Variants in LTBP3 observed in about 807,000 individuals in gnomAD.
The protein encoded by LTBP3 is latent-transforming growth factor beta-binding protein 3.
Under a neutral mutation model 159.7 loss-of-function variants are expected in LTBP3, and 97 were observed. The ratio of observed to expected loss-of-function variants is 0.61; its 90% CI spans 0.52 to 0.72. The LOEUF is 0.72. Ranked by LOEUF, LTBP3 falls within the 30% of genes least tolerant of loss-of-function variation. The pLI is 0.00. For missense variants in LTBP3, 1,584 were observed against 1,864.3 expected (o/e 0.85, Z 2.77); for synonymous variants, 824 against 777.1 (o/e 1.06, Z -1.00).
At chr11:65,542,393 T>TC (rs1554973002) in intron 18 of LTBP3, 15 of 144,648 alleles carry the variant, frequency 1.0e-4, no homozygotes, top group South Asian at 4.4e-4. Flanking sequence ...TTTTTTTTTT[T>TC]TTTTTTTTTT....
rs1256842483 is a variant in LTBP3 at position 65,540,278 on chromosome 11, C to T, written c.3211G>A (p.Ala1071Thr). The T allele has an allele frequency of 6.4e-7, 1 of 1,555,112 alleles. No individual in the cohort carries two copies. The highest frequency in any genetic ancestry group is 8.7e-7 in the Non-Finnish European group (1 of 1,149,260). The change falls in exon 23 of 28, where the codon GCG (alanine) becomes ACG (threonine). Residue 1071 changes from alanine to threonine, a missense_variant. Coordinates refer to ENST00000301873, the MANE Select transcript of LTBP3 (RefSeq NM_001130144.3). ...TCCGGGCTCAGGCACTGGCGCTGCG[C>T]GGGACTGTACTCGGCAGGGGGCGTG... is the stretch of plus-strand genomic sequence containing the variant. ...ACTPPAEYSP[A>T]QRQCLSPEEM...
In LTBP3 at chr11:65,547,868, T is replaced by C; in HGVS notation, c.1847-47A>G. 6.2e-7 allele frequency: 1 copy of C among 1,613,200 alleles called. No individual in the cohort carries two copies. Among genetic ancestry groups the C allele is most frequent in the East Asian group, 2.2e-5 (1 of 44,858 alleles). The stretch of plus-strand genomic sequence containing the variant: ...AGAAAAGTCAAAGGAAGCGTCGTTA[T>C]CTGGGGTCCCCCCCCACCCACCTGC... On this transcript the variant is annotated intron_variant, in intron 12 of 27. Coordinates refer to ENST00000301873, the MANE Select transcript of LTBP3 (RefSeq NM_001130144.3). This position sits in a 1 kb window ranked among gnomAD's most constrained non-coding sequence, Gnocchi z 4.6.
chr11:65,551,683 G>T, intron 8 of LTBP3, 119 bp from the exon 9 acceptor site: 1 of 1,294,106 alleles, frequency 7.7e-7, no homozygotes, highest in Non-Finnish European at 1.1e-6. Context: ...CATGTCTCCA[G>T]GTCAAGGGTC....
Position 65,547,560 on chromosome 11 carries a change from G to A in LTBP3, c.1986C>T (p.Asn662=). Residue 662 remains asparagine (N), a synonymous_variant, in exon 14 of 28, where the codon AAC becomes AAT. Transcript: ENST00000301873. This position sits in a 1 kb window ranked among gnomAD's most constrained non-coding sequence, Gnocchi z 4.6. ...CGCACAGGTGGGGCTTGGCGCATTC[G>A]TTCAGGTCTGTGCGGGAGGAAGGGG... ...GAGGRSCVDL[N]ECAKPHLCGD... 2 of 1,613,908 alleles carry A rather than the reference G, an allele frequency of 1.2e-6. No homozygotes were observed. The highest frequency in any genetic ancestry group is 1.7e-6 in the Non-Finnish European group (2 of 1,179,916).
Position 65,540,164 on chromosome 11 carries a change from C to T in LTBP3, c.3245-11G>A, listed in dbSNP as rs769317347. On this transcript the variant is annotated splice_polypyrimidine_tract_variant and intron_variant, in intron 23 of 27. Coordinates refer to ENST00000301873, the MANE Select transcript of LTBP3 (RefSeq NM_001130144.3). ...GGCACTCGTCCACGTCTACGAACAG[C>T]GAGGGGGTGGGTGGGGGCCGTCACA... The T allele has an allele frequency of 3.8e-5, 58 of 1,533,226 alleles. No homozygotes were observed. The highest frequency in any genetic ancestry group is 5.1e-5 in the Non-Finnish European group (58 of 1,142,644). 95.0% of individuals were successfully genotyped at this position (1,533,226 alleles called of 1,614,324 possible). A position where few individuals can be genotyped will look rare whatever the true frequency, so the allele number is the denominator to read the frequency against.
At chr11:65,541,434 G>T in intron 19 of LTBP3, 141 bp from the exon 20 acceptor site, 1 of 1,402,454 alleles carries the variant, frequency 7.1e-7, no homozygotes, top group Non-Finnish European at 9.9e-7. Flanking sequence ...TTCTCAACGT[G>T]GTGTTCTGGA....
chr11:65,540,796 G>A, intron 21 of LTBP3, 75 bp downstream of exon 21: 1 of 1,528,444 alleles, frequency 6.5e-7, no homozygotes, highest in African/African-American at 1.4e-5. Flanking sequence ...CTGACCCAGC[G>A]AGTCCCGGCG....
rs1354970791 is a variant in LTBP3, at chr11:65,554,036, C to T, written c.661+15G>A. 1 of 1,599,288 alleles carries T rather than the reference C, an allele frequency of 6.3e-7. No individual in the cohort carries two copies. The highest frequency in any genetic ancestry group is 8.5e-7 in the Non-Finnish European group (1 of 1,178,970). On this transcript the variant is annotated intron_variant, in intron 2 of 27. Coordinates refer to ENST00000301873, the MANE Select transcript of LTBP3 (RefSeq NM_001130144.3). The surrounding 1 kb of genome is among the most constrained non-coding windows in gnomAD (Gnocchi z 5.3). Reference sequence around the variant, plus strand: ...CCCACTGGCGACCTTCCCGGGTTTGCCAGTTGCCTGGTACCTTCTGCTGAG... The same window carrying T: ...CCCACTGGCGACCTTCCCGGGTTTGTCAGTTGCCTGGTACCTTCTGCTGAG...
At position 65,540,916 on chromosome 11, in the gene LTBP3, T is replaced by C; in HGVS notation, c.2932A>G (p.Thr978Ala). The change falls in exon 21 of 28, where the codon ACC becomes GCC. Residue 978 changes from threonine to alanine, a missense_variant. Thr to Ala is a moderately conservative substitution (Grantham distance 58). This residue lies in a region of LTBP3 where 514 missense variants were observed against 530.3 expected (regional missense o/e 0.97). Transcript: ENST00000301873. Reference sequence around the variant, plus strand: ...TAGTTGACGATGTTGTTGTCCTGGGTGTAGCCCTTTCCGTCTGGGCAGAGG... The same window carrying C: ...TAGTTGACGATGTTGTTGTCCTGGGCGTAGCCCTTTCCGTCTGGGCAGAGG... ...HSLCPDGKGY[T>A]QDNNIVNYGI... is the part of the protein sequence containing the mutation. The C allele has an allele frequency of 6.2e-7, 1 of 1,613,592 alleles. No homozygotes were observed. Among genetic ancestry groups the C allele is most frequent in the Non-Finnish European group, 8.5e-7 (1 of 1,179,788 alleles).
rs370789621 is a variant in LTBP3 at position 65,554,272 on chromosome 11, G to A, written c.440C>T (p.Ala147Val). ...GRFCQVPAGG[A>V]GGGTGGSGPG... ...GCCTGAGCCGCCGGTACCCCCACCG[G>A]CTCCTCCTGCGGGCACCTGGCAGAA... is the stretch of plus-strand genomic sequence containing the variant. The change falls in exon 2 of 28, where the codon GCC becomes GTC. Residue 147 changes from alanine to valine, a missense_variant. Physicochemically the swap from Ala to Val is moderately conservative, Grantham distance 64. This residue lies in a region of LTBP3 where 194 missense variants were observed against 198.7 expected (regional missense o/e 0.98). Transcript: ENST00000301873. This position sits in a 1 kb window ranked among gnomAD's most constrained non-coding sequence, Gnocchi z 5.3. 1.2e-5 allele frequency: 19 copies of A among 1,610,702 alleles called. No individual in the cohort carries two copies. The highest frequency in any genetic ancestry group is 3.3e-5 in the South Asian group (3 of 90,962).
chr11:65,546,453 C>T lies in LTBP3; in HGVS notation c.2342G>A (p.Arg781His), dbSNP rs1234185043. ...GTGCTGGCGCTCACCCAAGCAACTG[C>T]GGCCGTCGGGCGCGGGCGCGTAGCC... ...AQGYAPAPDG[R>H]SCLDVDECEA... The change falls in exon 16 of 28, where the codon CGC becomes CAC. Residue 781 changes from arginine to histidine, a missense_variant. By Grantham distance (29) the Arg-to-His change is conservative. This residue lies in a region of LTBP3 where 565 missense variants were observed against 677.7 expected (regional missense o/e 0.83). Transcript: ENST00000301873. The surrounding 1 kb of genome is among the most constrained non-coding windows in gnomAD (Gnocchi z 4.0). The T allele has an allele frequency of 6.4e-6, 10 of 1,565,884 alleles. No individual in the cohort carries two copies. The highest frequency in any genetic ancestry group is 1.8e-5 in the Admixed American group (1 of 54,372).
At chr11:65,549,423 T>A (rs530670724) in intron 11 of LTBP3, among the ~76,000 whole-genome samples, 1 of 151,840 alleles carries the variant, frequency 6.6e-6, no homozygotes, top group South Asian at 2.1e-4. Context: ...CCATCTTTCT[T>A]TTTTTTTGAG....
In LTBP3 at chr11:65,539,045, C is replaced by A; in HGVS notation, c.*35G>T. On this transcript the variant is annotated 3_prime_UTR_variant, in exon 28 of 28. Transcript: ENST00000301873. ...GAGCTCGCGGAAATCCCTCAGTGAT[C>A]ACCGAGGTCTGGGCCGAGGGCGGCG... 7.4e-7 allele frequency: 1 copy of A among 1,346,786 alleles called. No individual in the cohort carries two copies. Among genetic ancestry groups the A allele is most frequent in the Non-Finnish European group, 9.5e-7 (1 of 1,051,222 alleles). The allele number at this position is 1,346,786 out of a possible 1,614,324, so 83.4% of individuals were successfully genotyped here. A position where few individuals can be genotyped will look rare whatever the true frequency, so the allele number is the denominator to read the frequency against.
rs775859883 is a variant in LTBP3, at chr11:65,542,381, C to CTTTTTTTTTTTTTTTTTTTTTTTTTTTT, written c.2597-654_2597-653insAAAAAAAAAAAAAAAAAAAAAAAAAAAA. On this transcript the variant is annotated intron_variant, in intron 18 of 27. Transcript: ENST00000301873. ...TGGAAAATAGTAGGTGCTCAATAAA[C>CTTTTTTTTTTTTTTTTTTTTTTTTTTTT]TTTTTTTTTTTTTTTTTTTTTTTTT... 2.2e-5 allele frequency: 2 copies of CTTTTTTTTTTTTTTTTTTTTTTTTTTTT among 91,974 alleles called. 1 individual carries two copies. The highest frequency in any genetic ancestry group is 9.4e-5 in the African/African-American group (2 of 21,350). 5.7% of individuals were successfully genotyped at this position (91,974 alleles called of 1,614,324 possible).
At chr11:65,555,171 A>G (rs545331731) in intron 1 of LTBP3, among the ~76,000 whole-genome samples, 72 of 152,114 alleles carry the variant, frequency 4.7e-4, no homozygotes, top group Non-Finnish European at 7.4e-4. Context: ...GCCCTGGCCC[A>G]GGCCTGGCCA....
intron 18 of LTBP3, 130 bp from the exon 19 acceptor site, chr11:65,541,858 CTGTGTCTGTGCA>C: frequency 4.8e-6 from 5 of 1,046,680 alleles, no homozygotes; most frequent in Non-Finnish European, 7.1e-6. Flanking sequence ...AGGAAGTCTG[CTGTGTCTGTGCA>C]TGTGTCTGAA....
At position 65,547,511 on chromosome 11, in the gene LTBP3, A is replaced by G. The variant is rs766612703; in HGVS notation, c.2035T>C (p.Phe679Leu). ...CAGTTGCACTTGTAGTGACCGGGAA[A>G]GTTGATGCAGAAGCCGCCGTCGCCG... is the stretch of plus-strand genomic sequence containing the variant. ...LCGDGGFCINFPGHYKCNCYP... is the reference protein window; with the variant it reads ...LCGDGGFCINLPGHYKCNCYP... Residue 679 changes from phenylalanine (F) to leucine (L), a missense_variant, in exon 14 of 28, where the codon TTT (phenylalanine) becomes CTT (leucine). Phe to Leu is a conservative substitution (Grantham distance 22). Around this residue, in one of 6 missense-constraint regions of LTBP3, gnomAD observed 565 missense variants for 677.7 expected, o/e 0.83. Coordinates refer to ENST00000301873, the MANE Select transcript of LTBP3 (RefSeq NM_001130144.3). This position sits in a 1 kb window ranked among gnomAD's most constrained non-coding sequence, Gnocchi z 4.6. 1.9e-6 allele frequency: 3 copies of G among 1,613,770 alleles called. No individual in the cohort carries two copies. The highest frequency in any genetic ancestry group is 1.6e-4 in the Middle Eastern group (1 of 6,082).
chr11:65,558,357 A>G lies in LTBP3; in HGVS notation c.-398T>C. On this transcript the variant is annotated 5_prime_UTR_variant, in exon 1 of 28. Transcript: ENST00000301873. The stretch of plus-strand genomic sequence containing the variant: ...AGCGCGCGGGGAGGGCTCAGGGAGA[A>G]GTGAGCAGTTGTTTTCCCTGGCTGG... 4.1e-6 allele frequency: 1 copy of G among 242,580 alleles called. No homozygotes were observed. Among genetic ancestry groups the G allele is most frequent in the Non-Finnish European group, 7.3e-6 (1 of 137,494 alleles). 15.0% of individuals were successfully genotyped at this position (242,580 alleles called of 1,614,324 possible).
rs78659669 is a variant in LTBP3 at position 65,541,522 on chromosome 11, G to A, written c.2725+78C>T. ...GGTTCCCCAAATTTAGGAGGGTGGG[G>A]CCAGGACACATCTCTGAATCCCAGC... is the stretch of plus-strand genomic sequence containing the variant. On this transcript the variant is annotated intron_variant, in intron 19 of 27. Coordinates refer to ENST00000301873, the MANE Select transcript of LTBP3 (RefSeq NM_001130144.3). The A allele has an allele frequency of 3.5e-4, 569 of 1,606,226 alleles. 9 individuals carry two copies. In the East Asian group the frequency reaches 0.013, roughly 35 times the overall value.
Sources: allele counts gnomAD v4.1 joint callset (sites outside exome capture counted in the v4.1 genomes callset), GRCh38; gene constraint gnomAD v4.1.1; regional missense constraint gnomAD v4.1.1; non-coding constraint Gnocchi (gnomAD v3.1); transcripts MANE v1.5; gene names NCBI Gene and HGNC (gene_info 2026-07-23, HGNC 2026-07-21).